MYO1D: variants seen among roughly 807,000 people sequenced by gnomAD.
MYO1D encodes the protein myosin ID.
In MYO1D, 83 loss-of-function variants were observed where a neutral mutation model predicts 122.0. The ratio of observed to expected loss-of-function variants is 0.68; its 90% CI spans 0.57 to 0.82. MYO1D has a LOEUF of 0.82. MYO1D is among the 40% of genes least tolerant of loss of function. MYO1D has a pLI of 0.00. For synonymous variants in MYO1D, 464 were observed against 446.9 expected, an observed-to-expected ratio of 1.04 and a Z score of -0.48; for missense variants, 1,157 against 1,269.5, an observed-to-expected ratio of 0.91 and a Z score of 1.35.
intron 16 of MYO1D, among the ~76,000 whole-genome samples, chr17:32,696,370 T>C (rs532018163): frequency 6.6e-6 from 1 of 151,400 alleles, no homozygotes; most frequent in South Asian, 2.1e-4. Flanking sequence ...TTATTCTGAG[T>C]GGAAAAAAAA....
intron 21 of MYO1D, among the ~76,000 whole-genome samples, chr17:32,520,925 A>G (rs1402817055): frequency 6.6e-6 from 1 of 152,218 alleles, no homozygotes; most frequent in African/African-American, 2.4e-5. Flanking sequence ...GGTATTGGGA[A>G]TGGCAGGGGG....
intron 20 of MYO1D, among the ~76,000 whole-genome samples, chr17:32,633,930 T>C (rs2088060045): frequency 6.6e-6 from 1 of 152,200 alleles, no homozygotes; most frequent in Non-Finnish European, 1.5e-5. Flanking sequence ...CTATGGACTA[T>C]ATCATGTGCG....
At chr17:32,647,945 G>T (rs1203025665) in intron 19 of MYO1D, among the ~76,000 whole-genome samples, 1 of 152,174 alleles carries the variant, frequency 6.6e-6, no homozygotes, top group East Asian at 1.9e-4. Flanking sequence ...TGGGCACGAT[G>T]GCTCATGCCT....
chr17:32,621,976 C>T (rs1009870397), intron 20 of MYO1D, among the ~76,000 whole-genome samples: 2 of 152,212 alleles, frequency 1.3e-5, no homozygotes, highest in African/African-American at 4.8e-5. Context: ...GACTTCCAGC[C>T]TCCAGACTGG....
chr17:32,640,078 T>A (rs1337848847), intron 19 of MYO1D, among the ~76,000 whole-genome samples: 1 of 152,184 alleles, frequency 6.6e-6, no homozygotes, highest in Non-Finnish European at 1.5e-5. Flanking sequence ...TGCCCCATAG[T>A]TTTAGAAATC....
At chr17:32,617,495 C>T (rs1457757803) in intron 20 of MYO1D, among the ~76,000 whole-genome samples, 1 of 152,142 alleles carries the variant, frequency 6.6e-6, no homozygotes, top group Non-Finnish European at 1.5e-5. Context: ...GGCTGGAGTG[C>T]AATGGCATGA....
At chr17:32,564,468 G>C (rs1288162713) in intron 21 of MYO1D, among the ~76,000 whole-genome samples, 1 of 152,204 alleles carries the variant, frequency 6.6e-6, no homozygotes, top group Admixed American at 6.5e-5. Flanking sequence ...CTGGAGCATA[G>C]TGTACAGCCC....
At chr17:32,829,383 G>C (rs1294930551) in intron 1 of MYO1D, among the ~76,000 whole-genome samples, 1 of 152,258 alleles carries the variant, frequency 6.6e-6, no homozygotes, top group Non-Finnish European at 1.5e-5. Context: ...CTCTGGCTTT[G>C]CAGCCAGACC....
chr17:32,733,260 A>C (rs1335353057), intron 14 of MYO1D, among the ~76,000 whole-genome samples: 1 of 152,224 alleles, frequency 6.6e-6, no homozygotes, highest in Non-Finnish European at 1.5e-5. Context: ...GAGAAAAGTC[A>C]CACCCCAAGG....
chr17:32,574,214 G>A (rs2087257510), intron 21 of MYO1D, among the ~76,000 whole-genome samples: 1 of 151,600 alleles, frequency 6.6e-6, no homozygotes, highest in Non-Finnish European at 1.5e-5. Flanking sequence ...ATTATAGGTG[G>A]ACAATACTTA....
intron 1 of MYO1D, among the ~76,000 whole-genome samples, chr17:32,837,169 A>G (rs1344817273): frequency 6.7e-6 from 1 of 148,158 alleles, no homozygotes; most frequent in Non-Finnish European, 1.5e-5. Context: ...TTTAGCTCCC[A>G]TTTTCTTGAT....
At chr17:32,776,070 G>A in intron 3 of MYO1D, 41 bp from the exon 4 acceptor site, 1 of 1,571,308 alleles carries the variant, frequency 6.4e-7, no homozygotes, top group Non-Finnish European at 8.6e-7. Context: ...AAAACTTATA[G>A]AGACTAGAAT....
At chr17:32,535,166 CTT>C (rs1910625193) in intron 21 of MYO1D, among the ~76,000 whole-genome samples, 1 of 152,072 alleles carries the variant, frequency 6.6e-6, no homozygotes, top group East Asian at 1.9e-4. Context: ...CTTTTTCAGT[CTT>C]AATTAAATTA....
chr17:32,777,921 G>A (rs140904392), intron 3 of MYO1D, among the ~76,000 whole-genome samples: 1,611 of 152,142 alleles, frequency 0.011, 75 homozygotes, highest in Admixed American at 0.077. Flanking sequence ...GCCACAGAGC[G>A]AGACTCCATC....
chr17:32,647,221 T>C (rs547685092), intron 19 of MYO1D, among the ~76,000 whole-genome samples: 2 of 152,222 alleles, frequency 1.3e-5, no homozygotes, highest in Non-Finnish European at 2.9e-5. Flanking sequence ...TTAAAGGACA[T>C]TTTATAATGT....
chr17:32,825,203 A>C (rs1358801955), intron 1 of MYO1D, among the ~76,000 whole-genome samples: 1 of 152,222 alleles, frequency 6.6e-6, no homozygotes, highest in Non-Finnish European at 1.5e-5. Context: ...CTACTACAAC[A>C]AAAATTTCCA....
intron 1 of MYO1D, among the ~76,000 whole-genome samples, chr17:32,828,996 A>C (rs1219752140): frequency 6.6e-6 from 1 of 152,222 alleles, no homozygotes; most frequent in Non-Finnish European, 1.5e-5. Flanking sequence ...TCAGGACTTA[A>C]TCACTGAGCT....
intron 6 of MYO1D, among the ~76,000 whole-genome samples, chr17:32,769,297 A>G (rs1252852062): frequency 6.6e-6 from 1 of 152,224 alleles, no homozygotes; most frequent in Non-Finnish European, 1.5e-5. Flanking sequence ...AAGAGGACAG[A>G]GCTGTCCATG....
intron 16 of MYO1D, among the ~76,000 whole-genome samples, chr17:32,683,315 G>A (rs568619683): frequency 6.6e-5 from 10 of 152,310 alleles, no homozygotes; most frequent in African/African-American, 2.4e-4. Flanking sequence ...TTTGGAGGAG[G>A]AGAGACGCTC....
Sources: gnomAD v4.1 joint callset for allele counts (sites outside exome capture counted in the v4.1 genomes callset) on GRCh38, gnomAD v4.1.1 for gene constraint, MANE v1.5 for transcripts, NCBI Gene and HGNC (gene_info 2026-07-23, HGNC 2026-07-21) for gene names.